MLLT10: variants seen among roughly 807,000 people sequenced by gnomAD.
MLLT10 encodes the protein MLLT10 histone lysine methyltransferase DOT1L cofactor.
A neutral mutation model predicts 129.1 loss-of-function variants in MLLT10; 30 were observed. The observed-to-expected ratio is 0.23, with a 90% confidence interval of 0.17 to 0.32. MLLT10 has a LOEUF of 0.32. Among genes scored for constraint, MLLT10 ranks in the 10% least tolerant of loss-of-function variants. The pLI is 1.00. For missense variants in MLLT10, 1,119 were observed against 1,268.3 expected (o/e 0.88, Z 1.79); for synonymous variants, 490 against 446.4 (o/e 1.10, Z -1.23).
chr10:21,612,085 GTCT>G (rs2044716060), intron 5 of MLLT10, among the ~76,000 whole-genome samples: 1 of 152,180 alleles, frequency 6.6e-6, no homozygotes, highest in Non-Finnish European at 1.5e-5. Context: ...CCTGGGAAGA[GTCT>G]TCCTGTCTTG....
chr10:21,651,875 A>C (rs2131323493), intron 9 of MLLT10, 107 bp downstream of exon 9: 3 of 467,580 alleles, frequency 6.4e-6, no homozygotes, highest in South Asian at 3.6e-5. Flanking sequence ...CTTTTCAACC[A>C]CATATCAGGC....
chr10:21,738,262 G>A (rs936443248), intron 21 of MLLT10: 9 of 286,610 alleles, frequency 3.1e-5, no homozygotes, highest in South Asian at 1.4e-4. Flanking sequence ...AGCGAGACTC[G>A]GTCTCAAAAA....
intron 8 of MLLT10, among the ~76,000 whole-genome samples, chr10:21,631,980 T>C (rs909971225): frequency 3.3e-5 from 5 of 151,884 alleles, no homozygotes; most frequent in African/African-American, 4.8e-5. Flanking sequence ...TTTTCACATG[T>C]TCTCAAAAGA....
intron 8 of MLLT10, 71 bp from the exon 9 acceptor site, chr10:21,651,602 A>G (rs2049036504): frequency 2.0e-6 from 2 of 997,912 alleles, no homozygotes; most frequent in African/African-American, 3.3e-5. Flanking sequence ...TACTAGTTAT[A>G]AAAAAATCTC....
chr10:21,672,466 C>T (rs1055842619), intron 10 of MLLT10, among the ~76,000 whole-genome samples: 16 of 152,130 alleles, frequency 1.1e-4, no homozygotes, highest in South Asian at 2.1e-4. Flanking sequence ...TCACCACCCC[C>T]GGCTAATTTT....
chr10:21,723,387 C>G (rs1336770821), intron 14 of MLLT10, among the ~76,000 whole-genome samples: 2 of 152,122 alleles, frequency 1.3e-5, no homozygotes, highest in African/African-American at 4.8e-5. Context: ...ATTTCTAGTT[C>G]TAGTGAGAGT....
At chr10:21,649,201 T>A (rs1372609727) in intron 8 of MLLT10, among the ~76,000 whole-genome samples, 2 of 152,126 alleles carry the variant, frequency 1.3e-5, no homozygotes, top group East Asian at 3.8e-4. Context: ...TTGGCCCTCT[T>A]AGTAGCTGGG....
chr10:21,654,554 A>G (rs892381210), intron 9 of MLLT10, among the ~76,000 whole-genome samples: 2 of 152,242 alleles, frequency 1.3e-5, no homozygotes, highest in Non-Finnish European at 2.9e-5. Flanking sequence ...TAACTATAAT[A>G]ATGCAAAAGA....
intron 3 of MLLT10, among the ~76,000 whole-genome samples, chr10:21,545,623 G>A (rs968004710): frequency 6.6e-5 from 10 of 152,262 alleles, no homozygotes; most frequent in Admixed American, 1.3e-4. Flanking sequence ...AAAAAGCACC[G>A]TGTCTCCCAA....
chr10:21,675,786 T>C (rs2052030139), intron 11 of MLLT10, among the ~76,000 whole-genome samples: 1 of 152,192 alleles, frequency 6.6e-6, no homozygotes, highest in Non-Finnish European at 1.5e-5. Flanking sequence ...TTTTGAAGCA[T>C]AGTCTGGGAA....
intron 6 of MLLT10, among the ~76,000 whole-genome samples, chr10:21,613,449 G>T (rs1160074709): frequency 6.6e-6 from 1 of 152,082 alleles, no homozygotes; most frequent in Non-Finnish European, 1.5e-5. Flanking sequence ...AACGGTTTTT[G>T]ACTTTTATAA....
At chr10:21,665,423 G>A (rs1201752693) in intron 9 of MLLT10, among the ~76,000 whole-genome samples, 1 of 151,802 alleles carries the variant, frequency 6.6e-6, no homozygotes, top group Non-Finnish European at 1.5e-5. Flanking sequence ...TGAATAGCTG[G>A]GATTACAGGT....
chr10:21,535,266 G>A (rs2033729684), intron 2 of MLLT10, among the ~76,000 whole-genome samples: 1 of 152,196 alleles, frequency 6.6e-6, no homozygotes, highest in African/African-American at 2.4e-5. Flanking sequence ...TTCCTGTGGC[G>A]TGGAGACGGG....
chr10:21,548,981 G>T (rs922323578), intron 3 of MLLT10, among the ~76,000 whole-genome samples: 1 of 152,138 alleles, frequency 6.6e-6, no homozygotes, highest in Admixed American at 6.6e-5. Context: ...TTCAGGTGGA[G>T]TTGTCTTTCC....
chr10:21,672,207 G>GTGTGTGTA (rs950414625), intron 10 of MLLT10, among the ~76,000 whole-genome samples: 13 of 150,204 alleles, frequency 8.7e-5, no homozygotes, highest in African/African-American at 3.2e-4. Context: ...GTGTGTGTGT[G>GTGTGTGTA]TGTATTTTGA....
intron 3 of MLLT10, among the ~76,000 whole-genome samples, chr10:21,559,509 G>T (rs368067168): frequency 6.6e-6 from 1 of 152,168 alleles, no homozygotes; most frequent in Admixed American, 6.5e-5. Context: ...CCATTTTTAT[G>T]TATACAGTTT....
intron 4 of MLLT10, among the ~76,000 whole-genome samples, chr10:21,592,583 C>T (rs1262596985): frequency 4.6e-5 from 7 of 151,918 alleles, no homozygotes; most frequent in African/African-American, 7.2e-5. Flanking sequence ...CAGCCTCCCG[C>T]GTAGCTGGGA....
chr10:21,546,950 C>T (rs1212013957), intron 3 of MLLT10, among the ~76,000 whole-genome samples: 5 of 151,530 alleles, frequency 3.3e-5, no homozygotes, highest in South Asian at 2.1e-4. Flanking sequence ...CTCGAACTCC[C>T]GACCTCAGGT....
intron 11 of MLLT10, among the ~76,000 whole-genome samples, chr10:21,679,050 G>T (rs2052476578): frequency 6.6e-6 from 1 of 152,190 alleles, no homozygotes; most frequent in Non-Finnish European, 1.5e-5. Context: ...TCTGGGAACT[G>T]TAGATCAAAT....
Sources: allele counts gnomAD v4.1 joint callset (sites outside exome capture counted in the v4.1 genomes callset), GRCh38; gene constraint gnomAD v4.1.1; transcripts MANE v1.5; gene names NCBI Gene and HGNC (gene_info 2026-07-23, HGNC 2026-07-21).